Variants in SLC34A3 observed in about 807,000 individuals in gnomAD.
The protein encoded by SLC34A3 is solute carrier family 34 member 3.
SLC34A3 carries 60 observed loss-of-function variants against 43.9 expected under a neutral mutation model. That is an observed-to-expected ratio of 1.37 (90% CI 1.11 to 1.70). The LOEUF is 1.70. Among genes scored for constraint, SLC34A3 ranks in the 40% most tolerant of loss-of-function variants. The pLI, the probability that SLC34A3 is intolerant of heterozygous loss-of-function variation, is 0.00. For synonymous variants in SLC34A3, 451 were observed against 386.2 expected (o/e 1.17, Z -1.97); for missense variants, 969 against 823.8 (o/e 1.18, Z -2.16).
Position 137,234,283 on chromosome 9 carries a change from G to A in SLC34A3, c.1093+7G>A. The A allele has an allele frequency of 6.2e-7, 1 of 1,610,188 alleles. No homozygotes were observed. The highest frequency in any genetic ancestry group is 8.5e-7 in the Non-Finnish European group (1 of 1,179,494). On this transcript the variant is annotated splice_region_variant and intron_variant, in intron 10 of 12. Transcript: ENST00000673835. The surrounding 1 kb of genome is among the most constrained non-coding windows in gnomAD (Gnocchi z 6.9). ...AGGACAGTCATCAATGCGGGTGAGG[G>A]CGTGGGAGGAGGTGCGGTGGCCAGG...
rs535205852 is a variant in SLC34A3, at chr9:137,234,237, G to A, written c.1054G>A (p.Gly352Ser). ...CAAGCTGCTCAACTCTGTGCTGCGC[G>A]GCCGCGTGGCCCAGGTCGTGAGGAC... ...IVKLLNSVLR[G>S]RVAQVVRTVI... The change falls in exon 10 of 13, where the codon GGC (glycine) becomes AGC (serine). Residue 352 changes from glycine to serine, a missense_variant. By Grantham distance (56) the Gly-to-Ser change is moderately conservative. Coordinates refer to ENST00000673835, the MANE Select transcript of SLC34A3 (RefSeq NM_001177316.2). This position sits in a 1 kb window ranked among gnomAD's most constrained non-coding sequence, Gnocchi z 6.9. The A allele has an allele frequency of 1.4e-5, 23 of 1,610,222 alleles. No homozygotes were observed. Among genetic ancestry groups the A allele is most frequent in the East Asian group, 6.7e-5 (3 of 44,800 alleles).
rs1836602446 is a variant in SLC34A3 at position 137,236,410 on chromosome 9, GTT to G, written c.1795_1796del (p.Leu599ValfsTer6). ...ACCCTGAGATCTTGGCCTCCCAGCA[GTT>G]GTGACGGGCAGTTGCTGAGCAGACC... ...ENPEILASQQ[L>X] On this transcript the variant is annotated frameshift_variant, in exon 13 of 13. Coordinates refer to ENST00000673835, the MANE Select transcript of SLC34A3 (RefSeq NM_001177316.2). LOFTEE classifies it high-confidence loss of function. 2.0e-6 allele frequency: 3 copies of G among 1,536,794 alleles called. No homozygotes were observed. Among genetic ancestry groups the G allele is most frequent in the Non-Finnish European group, 2.6e-6 (3 of 1,146,672 alleles).
At chr9:137,232,446 C>G in intron 3 of SLC34A3, 129 bp from the exon 4 acceptor site, 1 of 1,350,962 alleles carries the variant, frequency 7.4e-7, no homozygotes, top group Non-Finnish European at 1.0e-6. Context: ...CTGGGGGTTA[C>G]GGAAGAGGAG....
In SLC34A3 at chr9:137,234,235, GC is replaced by G; in HGVS notation, c.1053del (p.Gly352AlafsTer7). On this transcript the variant is annotated frameshift_variant, in exon 10 of 13. Transcript: ENST00000673835. LOFTEE classifies it high-confidence loss of function. This position sits in a 1 kb window ranked among gnomAD's most constrained non-coding sequence, Gnocchi z 6.9. ...GTCAAGCTGCTCAACTCTGTGCTGC[GC>G]GGCCGCGTGGCCCAGGTCGTGAGGA... ...LIVKLLNSVL[R>X]GRVAQVVRTV... The G allele has an allele frequency of 6.2e-7, 1 of 1,610,102 alleles. No individual in the cohort carries two copies. Among genetic ancestry groups the G allele is most frequent in the Non-Finnish European group, 8.5e-7 (1 of 1,179,188 alleles).
chr9:137,232,493 A>AG, intron 3 of SLC34A3, 82 bp from the exon 4 acceptor site: 3 of 1,570,506 alleles, frequency 1.9e-6, no homozygotes, highest in Non-Finnish European at 1.7e-6. Context: ...CAGAGGAGAG[A>AG]GGGGGCAGAG....
upstream of SLC34A3, among the ~76,000 whole-genome samples, chr9:137,230,274 C>T (rs1221594115): frequency 1.3e-5 from 2 of 152,172 alleles, no homozygotes; most frequent in African/African-American, 4.8e-5. Flanking sequence ...CTGTCCTCCC[C>T]TCTGCAGATG....
At chr9:137,232,256 T>C (rs1482635306) in intron 3 of SLC34A3, 95 bp downstream of exon 3, 2 of 1,231,090 alleles carry the variant, frequency 1.6e-6, no homozygotes, top group Admixed American at 3.4e-5. Context: ...CCAAACAGGC[T>C]GTGTGTGGGG....
Position 137,233,978 on chromosome 9 carries a change from C to T in SLC34A3, c.925+37C>T, listed in dbSNP as rs768239463. On this transcript the variant is annotated intron_variant, in intron 9 of 12. Coordinates refer to ENST00000673835, the MANE Select transcript of SLC34A3 (RefSeq NM_001177316.2). ...CCCACCCCAAGCCCCCTACACCCCCCACACTCCCCCTCACCGGCCCCTACA... is the reference window on the plus strand; with the variant it reads ...CCCACCCCAAGCCCCCTACACCCCCTACACTCCCCCTCACCGGCCCCTACA... 1.4e-4 allele frequency: 216 copies of T among 1,503,224 alleles called. 1 individual carries two copies. The highest frequency in any genetic ancestry group is 2.0e-5 in the Admixed American group (1 of 49,886). 93.1% of individuals were successfully genotyped at this position (1,503,224 alleles called of 1,614,324 possible).
At chr9:137,232,255 CTGTG>C in intron 3 of SLC34A3, 94 bp downstream of exon 3, 1 of 1,251,580 alleles carries the variant, frequency 8.0e-7, no homozygotes. Flanking sequence ...CCCAAACAGG[CTGTG>C]TGTGGGGAAC....
At chr9:137,231,463 C>T (rs1349749855) in intron 1 of SLC34A3, among the ~76,000 whole-genome samples, 3 of 152,028 alleles carry the variant, frequency 2.0e-5, no homozygotes, top group African/African-American at 4.8e-5. Context: ...GGACTGGGCT[C>T]GCCTGACAAC....
chr9:137,232,481 G>C (rs1274431037), intron 3 of SLC34A3, 94 bp from the exon 4 acceptor site: 5 of 1,544,712 alleles, frequency 3.2e-6, no homozygotes, highest in Non-Finnish European at 4.4e-6. Context: ...CCCTGTTGGA[G>C]ACAGAGGAGA....
chr9:137,232,436 C>T lies in SLC34A3; in HGVS notation c.176-139C>T, dbSNP rs1005967333. On this transcript the variant is annotated intron_variant, in intron 3 of 12. Transcript: ENST00000673835. ...GAAAGGCAGGAACCCGGGCCCTGCCCTGGGGGTTACGGAAGAGGAGGAAAT... is the reference window on the plus strand; with the variant it reads ...GAAAGGCAGGAACCCGGGCCCTGCCTTGGGGGTTACGGAAGAGGAGGAAAT... 19 of 1,287,124 alleles carry T rather than the reference C, an allele frequency of 1.5e-5. No homozygotes were observed. The African/African-American group carries it at 2.8e-4, about 19-fold the overall frequency. 79.7% of individuals were successfully genotyped at this position (1,287,124 alleles called of 1,614,324 possible). A position where few individuals can be genotyped will look rare whatever the true frequency, so the allele number is the denominator to read the frequency against.
rs1836222228 is a variant in SLC34A3 at position 137,231,667 on chromosome 9, T to C, written c.-36T>C. 1 of 1,578,602 alleles carries C rather than the reference T, an allele frequency of 6.3e-7. No homozygotes were observed. Among genetic ancestry groups the C allele is most frequent in the Non-Finnish European group, 8.7e-7 (1 of 1,149,192 alleles). On this transcript the variant is annotated 5_prime_UTR_variant, in exon 2 of 13. Transcript: ENST00000673835. ...ACACGCGCGTCCCCCCCAGCAGATC[T>C]AGACCTGGGCCTGGGTCTGTCCCTG...
intron 3 of SLC34A3, 129 bp downstream of exon 3, chr9:137,232,290 T>C: frequency 1.1e-6 from 1 of 938,942 alleles, no homozygotes; most frequent in Non-Finnish European, 1.7e-6. Context: ...AGGCCCCCTC[T>C]GGGGAGACAC....
At chr9:137,233,779 T>TTTGGGCCCCCCCCCCCCCCCCCCCCC in intron 8 of SLC34A3, 57 bp downstream of exon 8, 1 of 1,445,822 alleles carries the variant, frequency 6.9e-7, no homozygotes, top group Non-Finnish European at 9.6e-7. Context: ...TGCTGAGTCA[T>TTTGGGCCCCCCCCCCCCCCCCCCCCC]CCCGCCCCAC....
Position 137,233,210 on chromosome 9 carries a change from G to A in SLC34A3, c.562G>A (p.Ala188Thr). Residue 188 changes from alanine (A) to threonine (T), a missense_variant and splice_region_variant, in exon 7 of 13, where the codon GCT becomes ACT. Transcript: ENST00000673835. Reference protein sequence around the residue: ...QSGDRDEFQRAFSGSAVHGIF... With the variant: ...QSGDRDEFQRTFSGSAVHGIF... ...CCTGCCCACTCTCTGCGGCCACAGG[G>A]CTTTCAGCGGCTCGGCGGTGCACGG... is the stretch of plus-strand genomic sequence containing the variant. 2.5e-6 allele frequency: 4 copies of A among 1,577,272 alleles called. No homozygotes were observed. The highest frequency in any genetic ancestry group is 1.1e-5 in the South Asian group (1 of 86,964).
In SLC34A3 at chr9:137,232,128, C is replaced by G. The variant is rs1016356685; in HGVS notation, c.142C>G (p.Pro48Ala). 1.4e-5 allele frequency: 23 copies of G among 1,613,020 alleles called. No individual in the cohort carries two copies. Among genetic ancestry groups the G allele is most frequent in the Non-Finnish European group, 1.8e-5 (21 of 1,180,006 alleles). ...AGGGGACACAGACCCCTGGACCCTC[C>G]CTCAGCTGAAGGACACAAGCCAGCC... ...EEGDTDPWTL[P>A]QLKDTSQPWK... is the part of the protein sequence containing the mutation. The change falls in exon 3 of 13, where the codon CCT becomes GCT. Residue 48 changes from proline to alanine, a missense_variant. Transcript: ENST00000673835.
chr9:137,234,689 T>G lies in SLC34A3; in HGVS notation c.1293T>G (p.Ala431=). The part of the protein sequence containing the change: ...NIGTTTTALL[A]ALASPADRML... The stretch of plus-strand genomic sequence containing the variant: ...GCACCACTACCACAGCCCTGCTGGC[T>G]GCCCTGGCCAGCCCCGCAGACAGGA... The change falls in exon 12 of 13, where the codon GCT becomes GCG. Residue 431 remains alanine, a synonymous_variant. Transcript: ENST00000673835. The surrounding 1 kb of genome is among the most constrained non-coding windows in gnomAD (Gnocchi z 6.9). 2 of 1,612,042 alleles carry G rather than the reference T, an allele frequency of 1.2e-6. No homozygotes were observed. Among genetic ancestry groups the G allele is most frequent in the Non-Finnish European group, 1.7e-6 (2 of 1,179,838 alleles).
At position 137,231,835 on chromosome 9, in the gene SLC34A3, C is replaced by T. The variant is rs202005560; in HGVS notation, c.85+48C>T. 41 of 1,484,346 alleles carry T rather than the reference C, an allele frequency of 2.8e-5. No homozygotes were observed. In the Admixed American group the frequency reaches 5.3e-4, roughly 19 times the overall value. 91.9% of individuals were successfully genotyped at this position (1,484,346 alleles called of 1,614,324 possible). A position where few individuals can be genotyped will look rare whatever the true frequency, so the allele number is the denominator to read the frequency against. On this transcript the variant is annotated intron_variant, in intron 2 of 12. Transcript: ENST00000673835. ...AGGCCTTCACCAGTCTGACCACCCA[C>T]CCCCCAGGCACTGGGCAGAGACAGG...
Sources: allele counts gnomAD v4.1 joint callset (sites outside exome capture counted in the v4.1 genomes callset), GRCh38; gene constraint gnomAD v4.1.1; non-coding constraint Gnocchi (gnomAD v3.1); transcripts MANE v1.5; gene names NCBI Gene and HGNC (gene_info 2026-07-23, HGNC 2026-07-21).